The following CDCA2 variants were observed in gnomAD, a reference collection of about 807,000 sequenced individuals.
CDCA2 encodes the protein cell division cycle associated 2.
CDCA2 carries 44 observed loss-of-function variants against 67.0 expected under a neutral mutation model. The observed-to-expected ratio is 0.66, with a 90% CI of 0.52 to 0.84. The LOEUF is 0.84. Ranked by LOEUF, CDCA2 falls within the 40% of genes least tolerant of loss-of-function variation. The pLI is 0.00. For missense variants in CDCA2, 1,253 were observed against 1,203.2 expected, an observed-to-expected ratio of 1.04 and a Z score of -0.61; for synonymous variants, 447 against 418.7, an observed-to-expected ratio of 1.07 and a Z score of -0.82.
At position 25,492,730 on chromosome 8, in the gene CDCA2, T is replaced by C. The variant is rs73677326; in HGVS notation, c.1671+4041T>C. Among the ~76,000 whole-genome samples the C allele has an allele frequency of 5.6e-3, 848 of 152,300 alleles. 6 individuals carry two copies. Among genetic ancestry groups the C allele is most frequent in the African/African-American group, 0.019 (800 of 41,568 alleles). ...ATGTTTGCAGTCATAATAATACAGA[T>C]GCTATTTGTTTTCAACTAAGGACGA... is the stretch of plus-strand genomic sequence containing the variant. On this transcript the variant is annotated intron_variant, in intron 13 of 14. Coordinates refer to ENST00000330560, the MANE Select transcript of CDCA2 (RefSeq NM_152562.4).
At chr8:25,499,650 A>G (rs899609622) in intron 13 of CDCA2, among the ~76,000 whole-genome samples, 2 of 151,932 alleles carry the variant, frequency 1.3e-5, no homozygotes, top group African/African-American at 4.8e-5. Context: ...AAATAATTTA[A>G]AGAAGTCTTA....
intron 1 of CDCA2, 41 bp from the exon 2 acceptor site, chr8:25,460,199 G>C (rs760802287): frequency 6.3e-7 from 1 of 1,592,736 alleles, no homozygotes; most frequent in South Asian, 1.1e-5. Flanking sequence ...CGTTCATCTT[G>C]CTGGTGGGGT....
At chr8:25,463,449 A>G (rs190483548) in intron 4 of CDCA2, among the ~76,000 whole-genome samples, 3 of 152,330 alleles carry the variant, frequency 2.0e-5, no homozygotes, top group Non-Finnish European at 4.4e-5. Context: ...GGCTGGTGCA[A>G]ACAGTTCTAC....
chr8:25,507,220 C>T lies in CDCA2; in HGVS notation c.2554C>T (p.Pro852Ser). The change falls in exon 15 of 15, where the codon CCA (proline) becomes TCA (serine). Residue 852 changes from proline (P) to serine (S), a missense_variant. By Grantham distance (74) the Pro-to-Ser change is moderately conservative (BLOSUM62 -1). Coordinates refer to ENST00000330560, the MANE Select transcript of CDCA2 (RefSeq NM_152562.4). ...LHLEKNGNHTPSSSVGSSVEI... is the reference protein window; with the variant it reads ...LHLEKNGNHTSSSSVGSSVEI... ...TTTGGAAAAAAATGGAAATCACACACCATCCTCCAGTGTGGGCAGCTCTGT... is the reference window on the plus strand; with the variant it reads ...TTTGGAAAAAAATGGAAATCACACATCATCCTCCAGTGTGGGCAGCTCTGT... The T allele has an allele frequency of 1.2e-6, 2 of 1,614,158 alleles. No homozygotes were observed. The highest frequency in any genetic ancestry group is 1.7e-6 in the Non-Finnish European group (2 of 1,180,036).
intron 7 of CDCA2, among the ~76,000 whole-genome samples, chr8:25,472,418 A>ATTTTTTTTTTTTT (rs1563265182): frequency 6.6e-6 from 1 of 151,456 alleles, no homozygotes; most frequent in African/African-American, 2.4e-5. Flanking sequence ...TGCCTGGCTG[A>ATTTTTTTTTTTTT]TTTTTGTATT....
chr8:25,498,453 A>ACCCCCCC (rs60633246), intron 13 of CDCA2, among the ~76,000 whole-genome samples: 1 of 76,612 alleles, frequency 1.3e-5, no homozygotes, highest in African/African-American at 4.4e-5. Context: ...GGTAATCTGC[A>ACCCCCCC]CCCCCCCCCC....
intron 13 of CDCA2, among the ~76,000 whole-genome samples, chr8:25,493,544 G>GA (rs1804095089): frequency 6.6e-6 from 1 of 152,190 alleles, no homozygotes; most frequent in African/African-American, 2.4e-5. Context: ...AGACACCAAG[G>GA]ATTAATGTCA....
chr8:25,461,977 G>A, intron 3 of CDCA2, 77 bp from the exon 4 acceptor site: 2 of 1,374,142 alleles, frequency 1.5e-6, no homozygotes, highest in Non-Finnish European at 2.0e-6. Context: ...CTCTCAGGCT[G>A]GTACATCACG....
intron 12 of CDCA2, 138 bp downstream of exon 12, chr8:25,487,472 T>C (rs1803824319): frequency 1.6e-6 from 1 of 617,672 alleles, no homozygotes; most frequent in East Asian, 3.0e-5. Flanking sequence ...CCAGGCACCG[T>C]GGTTCACGCC....
At chr8:25,487,912 G>A (rs74333376) in intron 12 of CDCA2, among the ~76,000 whole-genome samples, 210 of 152,180 alleles carry the variant, frequency 1.4e-3, no homozygotes, top group Non-Finnish European at 1.9e-3. Context: ...TATGAATTTC[G>A]TTGAGGTGAA....
At position 25,466,195 on chromosome 8, in the gene CDCA2, A is replaced by T. The variant is rs771031887; in HGVS notation, c.408A>T (p.Arg136=). ...CACAGGGCAGCCCTGCACTGTATCGAAATGTTAACACTTTAAGAGAACGAA... is the reference window on the plus strand; with the variant it reads ...CACAGGGCAGCCCTGCACTGTATCGTAATGTTAACACTTTAAGAGAACGAA... The part of the protein sequence containing the change: ...SPSQGSPALY[R]NVNTLRERIS... The change falls in exon 5 of 15, where the codon CGA becomes CGT. Residue 136 remains arginine, a synonymous_variant. Coordinates refer to ENST00000330560, the MANE Select transcript of CDCA2 (RefSeq NM_152562.4). 1 of 1,610,514 alleles carries T rather than the reference A, an allele frequency of 6.2e-7. No homozygotes were observed. The highest frequency in any genetic ancestry group is 1.1e-5 in the South Asian group (1 of 90,180).
chr8:25,488,805 A>C, intron 13 of CDCA2, 116 bp downstream of exon 13: 40 of 961,194 alleles, frequency 4.2e-5, no homozygotes, highest in East Asian at 2.4e-4. Context: ...AAGATTATTA[A>C]TGCAATCTTA....
Position 25,472,764 on chromosome 8 carries a change from A to G in CDCA2, c.820+2784A>G, listed in dbSNP as rs1046411808. ...ATAACTGTATATATTTATGGGGAAC[A>G]ATATGATATTTTGATATATTTATAC... is the stretch of plus-strand genomic sequence containing the variant. On this transcript the variant is annotated intron_variant, in intron 7 of 14. Transcript: ENST00000330560. Among the ~76,000 whole-genome samples, 5 of 152,234 alleles carry G rather than the reference A, an allele frequency of 3.3e-5. No homozygotes were observed. The South Asian group carries it at 1.0e-3, about 31-fold the overall frequency.
chr8:25,480,263 C>T (rs1216866965), intron 8 of CDCA2, 139 bp downstream of exon 8: 2 of 713,056 alleles, frequency 2.8e-6, no homozygotes, highest in East Asian at 5.5e-5. Context: ...TTTTCCTCAT[C>T]TTTTCTTATT....
intron 13 of CDCA2, among the ~76,000 whole-genome samples, chr8:25,501,742 G>A (rs1804485318): frequency 6.6e-6 from 1 of 152,156 alleles, no homozygotes; most frequent in African/African-American, 2.4e-5. Flanking sequence ...TGGTGCGTGT[G>A]TATGGTCACT....
At chr8:25,503,847 T>C (rs1463345120) in intron 14 of CDCA2, among the ~76,000 whole-genome samples, 3 of 152,176 alleles carry the variant, frequency 2.0e-5, no homozygotes, top group Non-Finnish European at 4.4e-5. Context: ...TCCTTTTGTT[T>C]TTTAAAGCAT....
intron 13 of CDCA2, among the ~76,000 whole-genome samples, chr8:25,490,568 T>C (rs1803962851): frequency 2.0e-5 from 3 of 152,100 alleles, no homozygotes; most frequent in Admixed American, 1.3e-4. Flanking sequence ...CAGGAGACCC[T>C]GGCCCAGAAT....
Position 25,466,307 on chromosome 8 carries a change from T to C in CDCA2, c.520T>C (p.Ser174Pro), listed in dbSNP as rs762731661. The stretch of plus-strand genomic sequence containing the variant: ...GGAATTCTCAGAGGCAGGAAAAGAG[T>C]CCGAGATGACAGACTTGAGTGAGTA... ...CLEFSEAGKE[S>P]EMTDLTRKEG... Residue 174 changes from serine to proline, a missense_variant, in exon 5 of 15, where the codon TCC (serine) becomes CCC (proline). Ser to Pro is a moderately conservative substitution (Grantham distance 74). Coordinates refer to ENST00000330560, the MANE Select transcript of CDCA2 (RefSeq NM_152562.4). 2.9e-5 allele frequency: 46 copies of C among 1,602,360 alleles called. No homozygotes were observed. In the South Asian group the frequency reaches 4.6e-4, roughly 16 times the overall value.
intron 14 of CDCA2, among the ~76,000 whole-genome samples, chr8:25,505,862 T>C (rs925552913): frequency 6.6e-6 from 1 of 152,190 alleles, no homozygotes; most frequent in African/African-American, 2.4e-5. Flanking sequence ...CCACCTCTGA[T>C]GTGCCAGAAA....
Sources: gnomAD v4.1 joint callset for allele counts (sites outside exome capture counted in the v4.1 genomes callset) on GRCh38, gnomAD v4.1.1 for gene constraint, MANE v1.5 for transcripts, NCBI Gene and HGNC (gene_info 2026-07-23, HGNC 2026-07-21) for gene names.